RBFOX1: variants seen among roughly 807,000 people sequenced by gnomAD.
The protein encoded by RBFOX1 is RNA binding fox-1 homolog 1, also known as RNA binding protein fox-1 homolog 1.
RBFOX1 carries 8 observed loss-of-function variants against 57.7 expected under a neutral mutation model. The observed-to-expected ratio is 0.14, with a 90% CI of 0.08 to 0.25. RBFOX1 has a LOEUF of 0.25. Among genes scored for constraint, RBFOX1 ranks in the 10% least tolerant of loss-of-function variants. The probability of loss-of-function intolerance (pLI) is 1.00; values close to 1 mark genes in which losing one functional copy is unlikely to be tolerated. For missense variants in RBFOX1, 611 were observed against 548.5 expected, an observed-to-expected ratio of 1.11 and a Z score of -1.14; for synonymous variants, 326 against 222.4, an observed-to-expected ratio of 1.47 and a Z score of -4.15.
At chr16:6,965,784 A>G (rs528634167) in intron 3 of RBFOX1, among the ~76,000 whole-genome samples, 1 of 152,318 alleles carries the variant, frequency 6.6e-6, no homozygotes, top group East Asian at 1.9e-4. Context: ...GCAAGTACTC[A>G]CTTAGGTCCT....
chr16:7,218,567 T>A (rs1028122845), intron 4 of RBFOX1, among the ~76,000 whole-genome samples: 1 of 151,668 alleles, frequency 6.6e-6, no homozygotes, highest in Non-Finnish European at 1.5e-5. Flanking sequence ...AGGTAAAAAG[T>A]TTTTTTGAGT....
chr16:7,566,174 C>G (rs1219286215), intron 5 of RBFOX1, among the ~76,000 whole-genome samples: 4 of 152,082 alleles, frequency 2.6e-5, no homozygotes, highest in East Asian at 3.9e-4. Flanking sequence ...GATGCTTATT[C>G]TAATAAGAAA....
At chr16:5,968,567 T>C (rs2059898363) in intron 4 of RBFOX1, among the ~76,000 whole-genome samples, 2 of 152,194 alleles carry the variant, frequency 1.3e-5, no homozygotes, top group Non-Finnish European at 2.9e-5. Flanking sequence ...TCAAGCTACC[T>C]GAAAATAATT....
chr16:5,524,828 A>C (rs1304258076), intron 2 of RBFOX1, among the ~76,000 whole-genome samples: 5 of 152,068 alleles, frequency 3.3e-5, no homozygotes, highest in Admixed American at 3.3e-4. Context: ...GGCGTGAGAC[A>C]CCGCACCCGG....
chr16:7,675,408 C>CA (rs369307640), intron 13 of RBFOX1, among the ~76,000 whole-genome samples: 12,794 of 125,922 alleles, frequency 0.1, 488 homozygotes, highest in Middle Eastern at 0.15. Flanking sequence ...TTAAGGGAAA[C>CA]AAAAAAAAAA....
intron 4 of RBFOX1, among the ~76,000 whole-genome samples, chr16:7,125,765 A>G (rs1459853251): frequency 6.6e-6 from 1 of 152,076 alleles, no homozygotes; most frequent in East Asian, 1.9e-4. Context: ...GGCCAAGGAT[A>G]TGACTGCAAA....
chr16:6,760,073 C>G (rs1290500055), intron 3 of RBFOX1, among the ~76,000 whole-genome samples: 1 of 151,944 alleles, frequency 6.6e-6, no homozygotes, highest in Non-Finnish European at 1.5e-5. Flanking sequence ...CTCGGGGAGT[C>G]CAAACTCAGT....
intron 2 of RBFOX1, among the ~76,000 whole-genome samples, chr16:6,558,291 G>C (rs934984742): frequency 6.6e-6 from 1 of 152,076 alleles, no homozygotes; most frequent in Admixed American, 6.5e-5. Context: ...TGCAAATCGA[G>C]AATAAGAAAG....
chr16:7,448,762 C>T (rs1171969295), intron 4 of RBFOX1, among the ~76,000 whole-genome samples: 1 of 152,132 alleles, frequency 6.6e-6, no homozygotes, highest in African/African-American at 2.4e-5. Context: ...GTCACACATA[C>T]ATTTTCCTTC....
At chr16:7,416,289 G>A (rs1464136026) in intron 4 of RBFOX1, among the ~76,000 whole-genome samples, 5 of 152,164 alleles carry the variant, frequency 3.3e-5, no homozygotes, top group Non-Finnish European at 5.9e-5. Context: ...CTCTGTGCCC[G>A]GAATCCAGAG....
intron 1 of RBFOX1, among the ~76,000 whole-genome samples, chr16:6,247,664 A>G (rs1019022532): frequency 1.3e-4 from 20 of 152,206 alleles, no homozygotes; most frequent in African/African-American, 4.6e-4. Flanking sequence ...ACACTAGAGC[A>G]TAGAGAAGCA....
intron 3 of RBFOX1, among the ~76,000 whole-genome samples, chr16:6,900,951 T>A (rs1290265309): frequency 6.6e-6 from 1 of 152,178 alleles, no homozygotes; most frequent in African/African-American, 2.4e-5. Context: ...TTGTAGAAGG[T>A]GTGAATGCCA....
intron 3 of RBFOX1, among the ~76,000 whole-genome samples, chr16:5,633,192 C>T (rs1596524749): frequency 6.6e-6 from 1 of 152,064 alleles, no homozygotes; most frequent in African/African-American, 2.4e-5. Context: ...CTGCCTCGGC[C>T]TCCCAAAGTG....
intron 3 of RBFOX1, among the ~76,000 whole-genome samples, chr16:6,853,424 C>T (rs2094174733): frequency 6.6e-6 from 1 of 152,138 alleles, no homozygotes; most frequent in East Asian, 1.9e-4. Flanking sequence ...TGCCTGCCCC[C>T]AGCCATTGGG....
intron 4 of RBFOX1, among the ~76,000 whole-genome samples, chr16:7,492,231 A>T (rs2067180055): frequency 6.6e-6 from 1 of 152,240 alleles, no homozygotes; most frequent in Non-Finnish European, 1.5e-5. Flanking sequence ...TACCAATAAG[A>T]ATGTTGTAAA....
intron 1 of RBFOX1, among the ~76,000 whole-genome samples, chr16:6,023,368 A>G (rs2095122956): frequency 6.6e-6 from 1 of 152,138 alleles, no homozygotes; most frequent in Admixed American, 6.6e-5. Context: ...AATTAAGCTT[A>G]GTCCTTTTAG....
chr16:5,298,900 G>C (rs2063740448), intron 1 of RBFOX1, among the ~76,000 whole-genome samples: 1 of 99,760 alleles, frequency 1.0e-5, no homozygotes, highest in African/African-American at 4.0e-5. Flanking sequence ...AGACGGGACT[G>C]AGTTTGAGAT....
chr16:6,155,354 A>C (rs1325234655), intron 1 of RBFOX1, among the ~76,000 whole-genome samples: 1 of 152,316 alleles, frequency 6.6e-6, no homozygotes, highest in East Asian at 1.9e-4. Context: ...GGAACACATC[A>C]GGGCAGCCTG....
At chr16:7,005,583 T>G (rs188237554) in intron 3 of RBFOX1, among the ~76,000 whole-genome samples, 13 of 152,298 alleles carry the variant, frequency 8.5e-5, no homozygotes, top group Non-Finnish European at 1.6e-4. Flanking sequence ...AAGATCCTAT[T>G]AGTGATGGCT....
Sources: allele counts gnomAD v4.1 joint callset (sites outside exome capture counted in the v4.1 genomes callset), GRCh38; gene constraint gnomAD v4.1.1; transcripts MANE v1.5; gene names NCBI Gene and HGNC (gene_info 2026-07-23, HGNC 2026-07-21).